The following SMYD3 variants were observed in gnomAD, a reference collection of about 807,000 sequenced individuals.
The protein encoded by SMYD3 is SET and MYND domain containing 3.
In SMYD3, 36 loss-of-function variants were observed where a neutral mutation model predicts 57.7. That is an observed-to-expected ratio of 0.62 (90% CI 0.48 to 0.82). The LOEUF is 0.82. SMYD3 is among the 40% of genes least tolerant of loss of function. The pLI is 0.00. For synonymous variants in SMYD3, 211 were observed against 195.0 expected (o/e 1.08, Z -0.68); for missense variants, 515 against 538.8 (o/e 0.96, Z 0.44).
chr1:245,810,036 T>C (rs1423618650), intron 10 of SMYD3, among the ~76,000 whole-genome samples: 3 of 152,184 alleles, frequency 2.0e-5, no homozygotes, highest in Non-Finnish European at 4.4e-5. Context: ...GTAGTACTCA[T>C]TGGGTACCAT....
chr1:246,105,373 CA>C (rs770623454), intron 5 of SMYD3, among the ~76,000 whole-genome samples: 4 of 149,754 alleles, frequency 2.7e-5, no homozygotes, highest in Admixed American at 6.6e-5. Flanking sequence ...TTTATTTCAC[CA>C]AAAAAAAAGC....
In SMYD3 at chr1:246,506,991, C is replaced by G. The variant is rs930028928; in HGVS notation, c.164+63G>C. ...CCCGCGGCTGCCGGCCGCCCGACGC[C>G]CCCCCCTCCCCAGCACCCCACACAG... On this transcript the variant is annotated intron_variant, in intron 1 of 11. Coordinates refer to ENST00000490107, the MANE Select transcript of SMYD3 (RefSeq NM_001167740.2). 59 of 815,372 alleles carry G rather than the reference C, an allele frequency of 7.2e-5. 5 individuals carry two copies. The highest frequency in any genetic ancestry group is 6.8e-4 in the East Asian group (14 of 20,544). 50.5% of individuals were successfully genotyped at this position (815,372 alleles called of 1,614,324 possible).
intron 1 of SMYD3, among the ~76,000 whole-genome samples, chr1:246,403,310 A>G (rs2066802736): frequency 1.3e-5 from 2 of 152,074 alleles, no homozygotes; most frequent in Admixed American, 6.5e-5. Context: ...CCTGGGCAAC[A>G]TAGTAAGGCC....
intron 8 of SMYD3, among the ~76,000 whole-genome samples, chr1:245,902,460 G>A (rs1157635102): frequency 6.6e-6 from 1 of 152,218 alleles, no homozygotes; most frequent in African/African-American, 2.4e-5. Context: ...TGGAAGATAG[G>A]ATAAGCCTGC....
intron 1 of SMYD3, among the ~76,000 whole-genome samples, chr1:246,377,752 C>T (rs1489898836): frequency 6.6e-6 from 1 of 152,184 alleles, no homozygotes; most frequent in Non-Finnish European, 1.5e-5. Flanking sequence ...CTCCGGACTC[C>T]ACTCTCATTC....
At chr1:246,369,391 G>A (rs2066157505) in intron 1 of SMYD3, among the ~76,000 whole-genome samples, 1 of 151,930 alleles carries the variant, frequency 6.6e-6, no homozygotes, top group Admixed American at 6.6e-5. Context: ...TTATTTTTGG[G>A]AAAATTTCAG....
At chr1:246,139,306 A>G (rs2061714428) in intron 5 of SMYD3, among the ~76,000 whole-genome samples, 1 of 152,242 alleles carries the variant, frequency 6.6e-6, no homozygotes, top group Non-Finnish European at 1.5e-5. Context: ...TGAGTATTTC[A>G]ATACATAGAT....
intron 5 of SMYD3, among the ~76,000 whole-genome samples, chr1:246,062,263 G>A (rs1452960130): frequency 6.6e-6 from 1 of 152,122 alleles, no homozygotes; most frequent in African/African-American, 2.4e-5. Context: ...ATCATAAAGA[G>A]GTTAGTCACT....
rs530905939 is a variant in SMYD3, at chr1:246,133,040, A to G, written c.531+194161T>C. Among the ~76,000 whole-genome samples, 6 of 152,230 alleles carry G rather than the reference A, an allele frequency of 3.9e-5. No homozygotes were observed. The South Asian group carries it at 8.3e-4, about 21-fold the overall frequency. On this transcript the variant is annotated intron_variant, in intron 5 of 11. Transcript: ENST00000490107. ...ACCCTTGGGTACTGCTGGTGGAAATATGAAAGGTGCTATAATAAAAACTAC... is the reference window on the plus strand; with the variant it reads ...ACCCTTGGGTACTGCTGGTGGAAATGTGAAAGGTGCTATAATAAAAACTAC...
intron 5 of SMYD3, among the ~76,000 whole-genome samples, chr1:245,948,490 T>G (rs74546216): frequency 0.019 from 2,820 of 152,202 alleles, 76 homozygotes; most frequent in Middle Eastern, 0.055. Context: ...CTTGTGGTCC[T>G]TAGACTAACA....
intron 1 of SMYD3, among the ~76,000 whole-genome samples, chr1:246,469,085 G>A (rs2067922838): frequency 6.6e-6 from 1 of 152,142 alleles, no homozygotes; most frequent in African/African-American, 2.4e-5. Context: ...GAGAACTTCT[G>A]GATCCCCAGC....
chr1:246,314,383 T>TAG (rs2148638637), intron 5 of SMYD3, among the ~76,000 whole-genome samples: 1 of 152,332 alleles, frequency 6.6e-6, no homozygotes, highest in Non-Finnish European at 1.5e-5. Context: ...AAAGCCATGT[T>TAG]AAAGCTCTGT....
At chr1:245,777,183 T>A (rs1264149373) in intron 10 of SMYD3, among the ~76,000 whole-genome samples, 1 of 152,178 alleles carries the variant, frequency 6.6e-6, no homozygotes, top group Non-Finnish European at 1.5e-5. Flanking sequence ...CAGCAGTTCA[T>A]ACAGTTAGTG....
intron 5 of SMYD3, chr1:245,947,488 G>C: frequency 2.2e-6 from 1 of 453,034 alleles, no homozygotes; most frequent in Non-Finnish European, 4.4e-6. Context: ...TAAAACATCA[G>C]GGATTCAGTT....
chr1:245,758,822 G>A (rs147213935), intron 11 of SMYD3, among the ~76,000 whole-genome samples: 65 of 152,234 alleles, frequency 4.3e-4, no homozygotes, highest in Non-Finnish European at 8.5e-4. Flanking sequence ...TCTACTGATT[G>A]CTTTTATTTT....
At chr1:246,139,956 T>C (rs896746046) in intron 5 of SMYD3, among the ~76,000 whole-genome samples, 9 of 152,206 alleles carry the variant, frequency 5.9e-5, no homozygotes, top group African/African-American at 2.2e-4. Flanking sequence ...GAATCACCCA[T>C]ATTTCACTCT....
At chr1:245,941,431 C>T (rs759437890) in intron 5 of SMYD3, among the ~76,000 whole-genome samples, 5 of 152,086 alleles carry the variant, frequency 3.3e-5, no homozygotes, top group Non-Finnish European at 7.4e-5. Flanking sequence ...GGCCAGGTCA[C>T]GTACAAAGGG....
At chr1:246,353,406 T>C (rs2065863554) in intron 2 of SMYD3, among the ~76,000 whole-genome samples, 1 of 152,102 alleles carries the variant, frequency 6.6e-6, no homozygotes. Context: ...GGCACGTACC[T>C]GTAGTCCCAG....
At chr1:245,814,843 T>C (rs1488963729) in intron 10 of SMYD3, among the ~76,000 whole-genome samples, 1 of 147,124 alleles carries the variant, frequency 6.8e-6, no homozygotes, top group Non-Finnish European at 1.5e-5. Flanking sequence ...CGCACACACA[T>C]GCACGCACAC....
Sources: gnomAD v4.1 joint callset for allele counts (sites outside exome capture counted in the v4.1 genomes callset) on GRCh38, gnomAD v4.1.1 for gene constraint, MANE v1.5 for transcripts, NCBI Gene and HGNC (gene_info 2026-07-23, HGNC 2026-07-21) for gene names.